Variants in YKT6 observed in about 807,000 individuals in gnomAD.
YKT6 encodes synaptobrevin homolog YKT6.
A neutral mutation model predicts 29.3 loss-of-function variants in YKT6; 12 were observed. That is an observed-to-expected ratio of 0.41 (90% CI 0.26 to 0.66). The LOEUF is 0.66. YKT6 is among the 30% of genes least tolerant of loss of function. The pLI, the probability that YKT6 is intolerant of heterozygous loss-of-function variation, is 0.32. For synonymous variants in YKT6, 86 were observed against 94.3 expected, an observed-to-expected ratio of 0.91 and a Z score of 0.51; for missense variants, 188 against 243.8, an observed-to-expected ratio of 0.77 and a Z score of 1.52.
rs1404276540 is a variant in YKT6, at chr7:44,213,095, CAG to C, written c.*814_*815del. ...ATGGTCAGCTGGGAGTGTCCATCATCAGGGGAAGATCAAACACAGGTGCACTC... is the reference window on the plus strand; with the variant it reads ...ATGGTCAGCTGGGAGTGTCCATCATCGGGAAGATCAAACACAGGTGCACTC... On this transcript the variant is annotated 3_prime_UTR_variant, in exon 7 of 7. Coordinates refer to ENST00000223369, the MANE Select transcript of YKT6 (RefSeq NM_006555.4). 3.3e-5 allele frequency: 5 copies of C among 152,356 alleles called. No homozygotes were observed. The highest frequency in any genetic ancestry group is 2.1e-4 in the South Asian group (1 of 4,834). 9.4% of individuals were successfully genotyped at this position (152,356 alleles called of 1,614,324 possible). A position where few individuals can be genotyped will look rare whatever the true frequency, so the allele number is the denominator to read the frequency against.
intron 6 of YKT6, 70 bp downstream of exon 6, chr7:44,211,194 C>A: frequency 7.6e-7 from 1 of 1,311,864 alleles, no homozygotes; most frequent in Non-Finnish European, 1.1e-6. Flanking sequence ...CTGCTTCTGG[C>A]ACTCTCCACT....
In YKT6 at chr7:44,201,073, C is replaced by A. The variant is rs1421376515; in HGVS notation, c.-63C>A. ...GGCGGCGGTCCCGAGGGGCGGCGGC[C>A]GCGCTGCTCCCTGAGAACGGGTCCC... On this transcript the variant is annotated 5_prime_UTR_variant, in exon 1 of 7. Transcript: ENST00000223369. The A allele has an allele frequency of 4.9e-6, 7 of 1,426,032 alleles. No homozygotes were observed. The East Asian group carries it at 1.8e-4, about 36-fold the overall frequency. The allele number at this position is 1,426,032 out of a possible 1,614,324, so 88.3% of individuals were successfully genotyped here. A position where few individuals can be genotyped will look rare whatever the true frequency, so the allele number is the denominator to read the frequency against.
At chr7:44,202,939 A>G (rs573264698) in intron 1 of YKT6, among the ~76,000 whole-genome samples, 4 of 151,990 alleles carry the variant, frequency 2.6e-5, no homozygotes, top group African/African-American at 7.2e-5. Context: ...TTTCCTTCCC[A>G]TTAGTACTTA....
chr7:44,208,366 C>A (rs78905613), intron 5 of YKT6, 168 bp downstream of exon 5: 1 of 659,290 alleles, frequency 1.5e-6, no homozygotes, highest in East Asian at 2.9e-5. Flanking sequence ...GACTGTCTTT[C>A]CTATACCCTT....
At chr7:44,211,651 G>C in intron 6 of YKT6, 1 of 996,650 alleles carries the variant, frequency 1.0e-6, no homozygotes, top group Non-Finnish European at 1.2e-6. Context: ...GTTGGCCCAT[G>C]GTTGGATAGT....
At chr7:44,210,125 A>C (rs1352897602) in intron 5 of YKT6, among the ~76,000 whole-genome samples, 1 of 152,108 alleles carries the variant, frequency 6.6e-6, no homozygotes, top group African/African-American at 2.4e-5. Flanking sequence ...GTGAGTTTGC[A>C]TCTGAAATCT....
intron 5 of YKT6, 84 bp from the exon 6 acceptor site, chr7:44,210,939 A>T: frequency 6.9e-7 from 1 of 1,442,478 alleles, no homozygotes; most frequent in South Asian, 1.2e-5. Context: ...CAGGTAAGGC[A>T]CTTTCCCCCA....
At position 44,207,213 on chromosome 7, in the gene YKT6, G is replaced by C. The variant is rs1043289459; in HGVS notation, c.289-175G>C. On this transcript the variant is annotated intron_variant, in intron 3 of 6. Coordinates refer to ENST00000223369, the MANE Select transcript of YKT6 (RefSeq NM_006555.4). ...TGTTTTAATGATAAAAATTTGGAAA[G>C]AACTTTAGCCTAGATTTTCTCTGTT... 3 of 513,342 alleles carry C rather than the reference G, an allele frequency of 5.8e-6. No individual in the cohort carries two copies. In the African/African-American group the frequency reaches 5.9e-5, roughly 10 times the overall value. The allele number at this position is 513,342 out of a possible 1,614,324, so 31.8% of individuals were successfully genotyped here.
At chr7:44,208,422 ACCAGTGGAACCCTCAAGTCTC>A (rs2096343272) in intron 5 of YKT6, 3 of 502,134 alleles carry the variant, frequency 6.0e-6, no homozygotes, top group South Asian at 4.5e-5. Context: ...CAAGCTGGGA[ACCAGTGGAACCCTCAAGTCTC>A]CCTTCCTCAT....
intron 3 of YKT6, 32 bp from the exon 4 acceptor site, chr7:44,207,356 G>A (rs777046711): frequency 6.3e-7 from 1 of 1,592,356 alleles, no homozygotes; most frequent in Non-Finnish European, 8.6e-7. Flanking sequence ...AGTGCACAGT[G>A]GGAGGCTTGT....
intron 5 of YKT6, chr7:44,210,680 GCACACA>G (rs3837149): frequency 0.073 from 25,860 of 354,760 alleles, 980 homozygotes; most frequent in East Asian, 0.092. Context: ...ACATGTGCGT[GCACACA>G]CACACACACA....
chr7:44,210,839 C>G, intron 5 of YKT6, 184 bp from the exon 6 acceptor site: 2 of 665,938 alleles, frequency 3.0e-6, no homozygotes, highest in South Asian at 1.5e-5. Flanking sequence ...GGAATGTCAC[C>G]AGGTTCTGTT....
Position 44,201,127 on chromosome 7 carries a change from C to T in YKT6, c.-9C>T, listed in dbSNP as rs770413128. 23 of 1,570,198 alleles carry T rather than the reference C, an allele frequency of 1.5e-5. No homozygotes were observed. In the South Asian group the frequency reaches 1.5e-4, roughly 10 times the overall value. ...GCTGGGCAGGCGGGCGGCCTGAGGG[C>T]GCGGAGCCATGAAGCTGTACAGCCT... is the stretch of plus-strand genomic sequence containing the variant. On this transcript the variant is annotated 5_prime_UTR_variant, in exon 1 of 7. Transcript: ENST00000223369.
chr7:44,207,651 C>T (rs958530865), intron 4 of YKT6, among the ~76,000 whole-genome samples, 159 bp downstream of exon 4: 1 of 152,128 alleles, frequency 6.6e-6, no homozygotes, highest in Admixed American at 6.5e-5. Flanking sequence ...AGAGAATCTA[C>T]GTTCAGACCG....
intron 1 of YKT6, among the ~76,000 whole-genome samples, chr7:44,203,655 T>C (rs2096338087): frequency 6.6e-6 from 1 of 152,228 alleles, no homozygotes; most frequent in Admixed American, 6.5e-5. Flanking sequence ...CAAGTAATAC[T>C]GTGTGTGCAG....
chr7:44,210,324 C>T (rs2096345304), intron 5 of YKT6, among the ~76,000 whole-genome samples: 1 of 152,228 alleles, frequency 6.6e-6, no homozygotes, highest in African/African-American at 2.4e-5. Context: ...TCCCAGGCCT[C>T]TCTCCAGCCT....
chr7:44,204,885 T>C (rs1347245357), intron 2 of YKT6, among the ~76,000 whole-genome samples: 4 of 152,232 alleles, frequency 2.6e-5, no homozygotes, highest in African/African-American at 9.6e-5. Context: ...GGTCTGACTC[T>C]TTTGGAGCAG....
intron 5 of YKT6, chr7:44,208,435 T>C: frequency 2.1e-6 from 1 of 484,088 alleles, no homozygotes; most frequent in Non-Finnish European, 3.8e-6. Flanking sequence ...AGTGGAACCC[T>C]CAAGTCTCCC....
Position 44,213,547 on chromosome 7 carries a change from C to G in YKT6, c.*1265C>G, listed in dbSNP as rs542638770. 1 of 152,392 alleles carries G rather than the reference C, an allele frequency of 6.6e-6. No homozygotes were observed. The highest frequency in any genetic ancestry group is 2.1e-4 in the South Asian group (1 of 4,824). 9.4% of individuals were successfully genotyped at this position (152,392 alleles called of 1,614,324 possible). ...ATCCCTTGGGTCCTAGTGTTATGTT[C>G]CAGTCTGCCCACCTGTGCTCAGGAT... is the stretch of plus-strand genomic sequence containing the variant. On this transcript the variant is annotated 3_prime_UTR_variant, in exon 7 of 7. Coordinates refer to ENST00000223369, the MANE Select transcript of YKT6 (RefSeq NM_006555.4).
Sources: gnomAD v4.1 joint callset for allele counts (sites outside exome capture counted in the v4.1 genomes callset) on GRCh38, gnomAD v4.1.1 for gene constraint, MANE v1.5 for transcripts, NCBI Gene and HGNC (gene_info 2026-07-23, HGNC 2026-07-21) for gene names.